The following SYTL2 variants were observed in gnomAD, a reference collection of about 807,000 sequenced individuals.
SYTL2 encodes the protein synaptotagmin-like protein 2.
In SYTL2, 165 loss-of-function variants were observed where a neutral mutation model predicts 198.7. That is an observed-to-expected ratio of 0.83 (90% CI 0.73 to 0.94). The LOEUF is 0.94. Ranked by LOEUF, SYTL2 falls within the 40% of genes least tolerant of loss-of-function variation. The pLI, the probability that SYTL2 is intolerant of heterozygous loss-of-function variation, is 0.00. For synonymous variants in SYTL2, 966 were observed against 917.7 expected (o/e 1.05, Z -0.95); for missense variants, 2,835 against 2,582.8 (o/e 1.10, Z -2.12).
At chr11:85,732,806 T>C (rs496187) in intron 7 of SYTL2, among the ~76,000 whole-genome samples, 107,192 of 152,070 alleles carry the variant, frequency 0.7, 38,402 homozygotes, top group African/African-American at 0.83. Context: ...ATCCTGACTA[T>C]AAAGAAACTA....
At chr11:85,750,617 A>G (rs1029244307) in intron 2 of SYTL2, among the ~76,000 whole-genome samples, 1 of 152,196 alleles carries the variant, frequency 6.6e-6, no homozygotes, top group Non-Finnish European at 1.5e-5. Context: ...CCACCTTTGT[A>G]ATGCCAGCAC....
At chr11:85,782,082 A>G (rs1175826874) in intron 1 of SYTL2, among the ~76,000 whole-genome samples, 1 of 152,224 alleles carries the variant, frequency 6.6e-6, no homozygotes, top group Non-Finnish European at 1.5e-5. Flanking sequence ...GTTCTCCATG[A>G]GAGTCCCACC....
rs1448239049 is a variant in SYTL2 at position 85,725,600 on chromosome 11, AT to A, written c.3757del (p.Ile1253Ter). The A allele has an allele frequency of 6.2e-7, 1 of 1,614,000 alleles. No individual in the cohort carries two copies. Among genetic ancestry groups the A allele is most frequent in the African/African-American group, 1.3e-5 (1 of 74,930 alleles). On this transcript the variant is annotated frameshift_variant, in exon 8 of 20. Transcript: ENST00000359152. LOFTEE classifies it high-confidence loss of function. ...AGCTGAAGTATTGTGACTCTGTTCT[AT>A]CCCTTTTCCAAAAAATCTCCCCTCT... is the stretch of plus-strand genomic sequence containing the variant. ...LEEGRFFGKG[I>X]EQSHNTSADK... is the part of the protein sequence containing the mutation.
chr11:85,811,952 GA>G (rs1218294509), upstream of SYTL2, among the ~76,000 whole-genome samples: 1 of 152,022 alleles, frequency 6.6e-6, no homozygotes, highest in African/African-American at 2.4e-5. Context: ...AAAGAAAAAA[GA>G]AAAATTAGCT....
chr11:85,804,888 A>G (rs1490952834), intron 1 of SYTL2, among the ~76,000 whole-genome samples: 1 of 152,222 alleles, frequency 6.6e-6, no homozygotes. Flanking sequence ...GACGTCATGT[A>G]GAAATTGTAG....
intron 1 of SYTL2, among the ~76,000 whole-genome samples, chr11:85,810,251 T>C (rs1213376357): frequency 6.6e-6 from 1 of 152,000 alleles, no homozygotes; most frequent in Admixed American, 6.6e-5. Context: ...GAACTTTTCA[T>C]TAAGGCAGGA....
intron 6 of SYTL2, among the ~76,000 whole-genome samples, chr11:85,735,135 C>T (rs1172690320): frequency 6.6e-6 from 1 of 152,146 alleles, no homozygotes; most frequent in Non-Finnish European, 1.5e-5. Context: ...GAGGCTATGC[C>T]TGTGTGGGGA....
At chr11:85,788,814 A>T (rs1304169551) in intron 1 of SYTL2, among the ~76,000 whole-genome samples, 1 of 151,902 alleles carries the variant, frequency 6.6e-6, no homozygotes, top group Non-Finnish European at 1.5e-5. Context: ...ATCATCCATG[A>T]CTGAGACACA....
chr11:85,839,649 GTA>G, the SYTL2 span, among the ~76,000 whole-genome samples: 2 of 152,192 alleles, frequency 1.3e-5, no homozygotes, highest in Admixed American at 1.3e-4. Flanking sequence ...ACTCCATTGT[GTA>G]TATATGTTAC....
intron 9 of SYTL2, 181 bp from the exon 10 acceptor site, chr11:85,719,024 T>A: frequency 6.6e-7 from 1 of 1,523,432 alleles, no homozygotes; most frequent in Non-Finnish European, 8.8e-7. Context: ...GCCAGTGCCA[T>A]AGCGGGAGCT....
intron 1 of SYTL2, among the ~76,000 whole-genome samples, chr11:85,787,580 G>A (rs2092655422): frequency 6.6e-6 from 1 of 152,056 alleles, no homozygotes; most frequent in Admixed American, 6.6e-5. Context: ...GGGCATTTGT[G>A]GGTAGCTGTT....
At chr11:85,718,542 A>G (rs1240556259) in intron 10 of SYTL2, 2 of 467,846 alleles carry the variant, frequency 4.3e-6, no homozygotes, top group Non-Finnish European at 7.6e-6. Context: ...TTTTCTATTT[A>G]TAGAAACCCT....
chr11:85,788,694 T>C (rs796631353), intron 1 of SYTL2, among the ~76,000 whole-genome samples: 14 of 152,160 alleles, frequency 9.2e-5, no homozygotes, highest in Admixed American at 3.9e-4. Context: ...CAATAGCTGC[T>C]CTGACCTTAA....
intron 17 of SYTL2, among the ~76,000 whole-genome samples, chr11:85,699,221 C>A (rs1289649713): frequency 6.6e-6 from 1 of 152,134 alleles, no homozygotes; most frequent in Non-Finnish European, 1.5e-5. Context: ...ATGATATGAT[C>A]AGTGAGATCT....
the SYTL2 span, among the ~76,000 whole-genome samples, chr11:85,825,671 T>C: frequency 6.6e-6 from 1 of 152,148 alleles, no homozygotes; most frequent in Admixed American, 6.5e-5. Context: ...AACACAACTG[T>C]ATGGATTTGG....
At chr11:85,768,133 C>G (rs1473143909) in intron 1 of SYTL2, among the ~76,000 whole-genome samples, 2 of 152,136 alleles carry the variant, frequency 1.3e-5, no homozygotes, top group Non-Finnish European at 2.9e-5. Flanking sequence ...CAGCCTAGTC[C>G]CAGACCTGCT....
the SYTL2 span, among the ~76,000 whole-genome samples, chr11:85,839,151 G>A: frequency 1.3e-5 from 2 of 152,122 alleles, no homozygotes; most frequent in Non-Finnish European, 2.9e-5. Context: ...AAAAATAAAT[G>A]CCACTTTACC....
chr11:85,748,257 G>GC lies in SYTL2; in HGVS notation c.253+14dup, dbSNP rs1423730363. Reference sequence around the variant, plus strand: ...ACGAATGCTTGTTGTAAATGCACTAGCCAAGTCAACTCACCTGCTATCTGG... The same window carrying GC: ...ACGAATGCTTGTTGTAAATGCACTAGCCCAAGTCAACTCACCTGCTATCTGG... On this transcript the variant is annotated intron_variant, in intron 3 of 19. Transcript: ENST00000359152. 1 of 1,609,714 alleles carries GC rather than the reference G, an allele frequency of 6.2e-7. No homozygotes were observed. The highest frequency in any genetic ancestry group is 1.3e-5 in the African/African-American group (1 of 74,926).
chr11:85,840,643 A>G, the SYTL2 span, among the ~76,000 whole-genome samples: 1 of 152,172 alleles, frequency 6.6e-6, no homozygotes, highest in South Asian at 2.1e-4. Flanking sequence ...TCCCTATTCA[A>G]TAAGTGGTGC....
Sources: allele counts gnomAD v4.1 joint callset (sites outside exome capture counted in the v4.1 genomes callset), GRCh38; gene constraint gnomAD v4.1.1; transcripts MANE v1.5; gene names NCBI Gene and HGNC (gene_info 2026-07-23, HGNC 2026-07-21).